The following SUCLG2 variants were observed in gnomAD, a reference collection of about 807,000 sequenced individuals.
SUCLG2 encodes succinate--CoA ligase [GDP-forming] subunit beta, mitochondrial.
A neutral mutation model predicts 47.9 loss-of-function variants in SUCLG2; 42 were observed. The observed-to-expected ratio is 0.88, with a 90% confidence interval of 0.69 to 1.14. The LOEUF (loss-of-function observed/expected upper bound fraction) is 1.14, where lower values mean the gene tolerates loss of function less well. SUCLG2 is among the 50% of genes most tolerant of loss of function. The pLI is 0.00. For synonymous variants in SUCLG2, 195 were observed against 197.3 expected, an observed-to-expected ratio of 0.99 and a Z score of 0.10; for missense variants, 571 against 525.9, an observed-to-expected ratio of 1.09 and a Z score of -0.84.
chr3:67,642,083 TTAAAGA>T (rs1282649015), intron 1 of SUCLG2, among the ~76,000 whole-genome samples: 2 of 152,230 alleles, frequency 1.3e-5, no homozygotes, highest in East Asian at 1.9e-4. Flanking sequence ...TCTATCTCCT[TTAAAGA>T]TAGAGTCTTT....
chr3:67,376,409 C>G (rs114460144), intron 10 of SUCLG2: 39 of 985,400 alleles, frequency 4.0e-5, no homozygotes, highest in Non-Finnish European at 4.6e-5. Flanking sequence ...CCTGGTGGAT[C>G]TGGAGTATCT....
At chr3:67,461,304 T>C (rs991456806) in intron 9 of SUCLG2, among the ~76,000 whole-genome samples, 6 of 152,164 alleles carry the variant, frequency 3.9e-5, no homozygotes, top group Non-Finnish European at 7.3e-5. Flanking sequence ...ATTTCTCATT[T>C]TCTGTTGCCA....
chr3:67,625,658 C>T (rs1249072073), intron 1 of SUCLG2, among the ~76,000 whole-genome samples: 1 of 152,160 alleles, frequency 6.6e-6, no homozygotes, highest in African/African-American at 2.4e-5. Context: ...AGCTACTCAC[C>T]TTCTCAGGGC....
At chr3:67,555,017 G>C (rs1707120209) in intron 2 of SUCLG2, among the ~76,000 whole-genome samples, 1 of 152,154 alleles carries the variant, frequency 6.6e-6, no homozygotes, top group South Asian at 2.1e-4. Flanking sequence ...TAGCATATCT[G>C]ACAGCACCCC....
intron 9 of SUCLG2, among the ~76,000 whole-genome samples, chr3:67,465,335 C>T (rs1036717038): frequency 4.6e-5 from 7 of 152,152 alleles, no homozygotes; most frequent in African/African-American, 1.4e-4. Flanking sequence ...CTCCTCAGTC[C>T]TTCTCGCTCA....
intron 1 of SUCLG2, among the ~76,000 whole-genome samples, chr3:67,638,771 T>C (rs1485073932): frequency 1.3e-5 from 2 of 152,208 alleles, no homozygotes; most frequent in African/African-American, 4.8e-5. Context: ...AGTAACCCAA[T>C]TGTAGCGGAT....
rs557606439 is a variant in SUCLG2 at position 67,483,236 on chromosome 3, TA to T, written c.1062+12561del. 6.2e-3 allele frequency among the ~76,000 whole-genome samples: 901 copies of T among 146,174 alleles called. 10 individuals carry two copies. Among genetic ancestry groups the T allele is most frequent in the East Asian group, 0.026 (131 of 5,062 alleles). On this transcript the variant is annotated intron_variant, in intron 9 of 10. Transcript: ENST00000307227. The stretch of plus-strand genomic sequence containing the variant: ...GTAAACTATTTAAGTGGACAAAACT[TA>T]AAAAAAAAAAATCTGTAATAAAGCA...
chr3:67,369,264 G>C (rs561575125), intron 10 of SUCLG2, among the ~76,000 whole-genome samples: 1 of 152,236 alleles, frequency 6.6e-6, no homozygotes, highest in South Asian at 2.1e-4. Context: ...TTTTTCTTCA[G>C]TTATATGTTT....
chr3:67,646,773 G>A (rs1302179348), intron 1 of SUCLG2, among the ~76,000 whole-genome samples: 1 of 152,110 alleles, frequency 6.6e-6, no homozygotes, highest in East Asian at 1.9e-4. Context: ...TGTACGTCTA[G>A]TATCCTGGCA....
chr3:67,550,919 G>A (rs1045431382), intron 2 of SUCLG2, among the ~76,000 whole-genome samples: 2 of 152,186 alleles, frequency 1.3e-5, no homozygotes, highest in Admixed American at 1.3e-4. Context: ...GGGCAGGGGC[G>A]GCGGCAGAAA....
intron 10 of SUCLG2, among the ~76,000 whole-genome samples, chr3:67,386,768 G>A (rs1489079069): frequency 6.6e-6 from 1 of 152,198 alleles, no homozygotes; most frequent in Non-Finnish European, 1.5e-5. Flanking sequence ...GATGAGATTT[G>A]GGTGGGGACA....
At chr3:67,602,811 C>A (rs963998807) in intron 2 of SUCLG2, among the ~76,000 whole-genome samples, 1 of 152,188 alleles carries the variant, frequency 6.6e-6, no homozygotes, top group Admixed American at 6.5e-5. Context: ...GAGAAGCACT[C>A]TATCTGCATG....
intron 10 of SUCLG2, among the ~76,000 whole-genome samples, chr3:67,365,822 G>A (rs1335958651): frequency 6.6e-6 from 1 of 152,112 alleles, no homozygotes; most frequent in Non-Finnish European, 1.5e-5. Context: ...GAGCGGACTA[G>A]CATAAAATTG....
chr3:67,603,793 T>C (rs534688328), intron 2 of SUCLG2, among the ~76,000 whole-genome samples: 4 of 152,204 alleles, frequency 2.6e-5, no homozygotes, highest in Non-Finnish European at 5.9e-5. Context: ...TATTTCCAGT[T>C]ATATGAGAGA....
At chr3:67,365,954 T>A (rs1342200696) in intron 10 of SUCLG2, among the ~76,000 whole-genome samples, 1 of 152,168 alleles carries the variant, frequency 6.6e-6, no homozygotes, top group Non-Finnish European at 1.5e-5. Flanking sequence ...TTGAATAGAT[T>A]TATAAATAGA....
chr3:67,396,018 A>G (rs1243098793), intron 10 of SUCLG2, among the ~76,000 whole-genome samples: 1 of 152,168 alleles, frequency 6.6e-6, no homozygotes, highest in Non-Finnish European at 1.5e-5. Context: ...ACACATTCAA[A>G]GCAGTGTGTA....
intron 7 of SUCLG2, among the ~76,000 whole-genome samples, chr3:67,508,288 A>G (rs956471542): frequency 6.6e-6 from 1 of 152,250 alleles, no homozygotes; most frequent in South Asian, 2.1e-4. Context: ...TTCCAGTTCC[A>G]TAAAGGCATA....
chr3:67,385,006 G>C (rs1036746192), intron 10 of SUCLG2, among the ~76,000 whole-genome samples: 9 of 152,222 alleles, frequency 5.9e-5, no homozygotes, highest in Admixed American at 5.9e-4. Flanking sequence ...GACACACTTA[G>C]CGTCTATAAG....
At chr3:67,577,180 C>T (rs9682288) in intron 2 of SUCLG2, among the ~76,000 whole-genome samples, 40,294 of 151,828 alleles carry the variant, frequency 0.27, 6,097 homozygotes, top group East Asian at 0.42. Context: ...AGCATGGTGG[C>T]ACATGCCAGT....
Sources: allele counts gnomAD v4.1 joint callset (sites outside exome capture counted in the v4.1 genomes callset), GRCh38; gene constraint gnomAD v4.1.1; transcripts MANE v1.5; gene names NCBI Gene and HGNC (gene_info 2026-07-23, HGNC 2026-07-21).